Variants in PATJ observed in about 807,000 individuals in gnomAD.
PATJ encodes inaD-like protein.
In PATJ, 190 loss-of-function variants were observed where a neutral mutation model predicts 224.9. The ratio of observed to expected loss-of-function variants is 0.84; its 90% confidence interval spans 0.75 to 0.95. The LOEUF is 0.95. Ranked by LOEUF, PATJ falls within the 40% of genes least tolerant of loss-of-function variation. The pLI is 0.00. For missense variants in PATJ, 2,121 were observed against 2,270.3 expected (o/e 0.93, Z 1.34); for synonymous variants, 769 against 820.3 (o/e 0.94, Z 1.07).
rs538395673 is a variant in PATJ, at chr1:61,968,821, A to C, written c.3671-21347A>C. 3.3e-5 allele frequency among the ~76,000 whole-genome samples: 5 copies of C among 152,272 alleles called. No homozygotes were observed. The South Asian group carries it at 1.0e-3, about 32-fold the overall frequency. On this transcript the variant is annotated intron_variant, in intron 27 of 43. Coordinates refer to ENST00000642238, the MANE Select transcript of PATJ (RefSeq NM_001350145.3). The stretch of plus-strand genomic sequence containing the variant: ...GAGAACATGCAATGCCCAAACTGAA[A>C]TTCTATACCTATTAAAAAATAACTT...
At position 61,855,597 on chromosome 1, in the gene PATJ, C is replaced by T. The variant is rs190925448; in HGVS notation, c.2113-433C>T. 3.2e-3 allele frequency among the ~76,000 whole-genome samples: 489 copies of T among 152,098 alleles called. 3 individuals carry two copies. Among genetic ancestry groups the T allele is most frequent in the African/African-American group, 0.011 (470 of 41,520 alleles). ...ACCTGGCTAATTTTTGTATATTTTG[C>T]GGAGATGGGATTTCGTCATGTTGTC... On this transcript the variant is annotated intron_variant, in intron 17 of 43. Transcript: ENST00000642238.
chr1:62,116,271 T>C (rs570424432), intron 35 of PATJ, among the ~76,000 whole-genome samples: 2 of 152,302 alleles, frequency 1.3e-5, no homozygotes, highest in Non-Finnish European at 1.5e-5. Context: ...AGTTAAAGAA[T>C]GGAAATAACC....
At chr1:61,924,472 A>G (rs1041477647) in intron 26 of PATJ, among the ~76,000 whole-genome samples, 2 of 152,192 alleles carry the variant, frequency 1.3e-5, no homozygotes, top group Admixed American at 6.5e-5. Flanking sequence ...TTTCTTCAAG[A>G]GATTATGAAC....
chr1:61,807,223 G>C (rs1240608735), intron 13 of PATJ, among the ~76,000 whole-genome samples: 1 of 152,144 alleles, frequency 6.6e-6, no homozygotes, highest in East Asian at 1.9e-4. Flanking sequence ...TGTTGCCCAG[G>C]CTGGAATGCA....
At chr1:62,004,561 A>G (rs72677919) in intron 28 of PATJ, among the ~76,000 whole-genome samples, 22,192 of 152,042 alleles carry the variant, frequency 0.15, 1,985 homozygotes, top group Non-Finnish European at 0.21. Flanking sequence ...TATTTTGGCT[A>G]TAAGTTCTGA....
intron 31 of PATJ, among the ~76,000 whole-genome samples, chr1:62,059,486 A>G (rs566260640): frequency 6.6e-6 from 1 of 151,914 alleles, no homozygotes; most frequent in Non-Finnish European, 1.5e-5. Flanking sequence ...GCATGGTGGC[A>G]CACATCTGTA....
At chr1:61,849,152 A>G (rs1012895271) in intron 17 of PATJ, among the ~76,000 whole-genome samples, 2 of 152,202 alleles carry the variant, frequency 1.3e-5, no homozygotes, top group African/African-American at 2.4e-5. Flanking sequence ...AGTACTTTCT[A>G]TTTCAGAGTT....
At chr1:61,795,632 GA>G (rs957339862) in intron 10 of PATJ, 74 bp downstream of exon 10, 22 of 850,876 alleles carry the variant, frequency 2.6e-5, no homozygotes, top group African/African-American at 2.0e-4. Flanking sequence ...ATACATGTGA[GA>G]GGGGGAATAG....
At chr1:62,137,367 A>T (rs1213000243) in intron 41 of PATJ, among the ~76,000 whole-genome samples, 1 of 132,166 alleles carries the variant, frequency 7.6e-6, no homozygotes, top group Non-Finnish European at 1.6e-5. Context: ...GGAAACATGG[A>T]ATAAGTGAGT....
chr1:61,863,281 C>G (rs1187120841), intron 19 of PATJ, among the ~76,000 whole-genome samples: 1 of 152,060 alleles, frequency 6.6e-6, no homozygotes, highest in Non-Finnish European at 1.5e-5. Flanking sequence ...AGAGATCCTC[C>G]TGCCTTGGCC....
intron 1 of PATJ, among the ~76,000 whole-genome samples, chr1:61,752,248 T>C (rs777178655): frequency 4.0e-5 from 6 of 151,884 alleles, no homozygotes; most frequent in Non-Finnish European, 7.4e-5. Context: ...TTGAATAGTT[T>C]AATGAGAAAA....
intron 27 of PATJ, among the ~76,000 whole-genome samples, chr1:61,979,303 G>A (rs1391051477): frequency 2.0e-5 from 3 of 152,040 alleles, no homozygotes; most frequent in Non-Finnish European, 2.9e-5. Flanking sequence ...AAGTGGAGGG[G>A]AAGAGAAATA....
chr1:61,860,160 T>C (rs1008112335), intron 18 of PATJ, among the ~76,000 whole-genome samples: 1 of 152,150 alleles, frequency 6.6e-6, no homozygotes, highest in Non-Finnish European at 1.5e-5. Context: ...AAAACCTAGG[T>C]GACAGGTTGA....
rs4915787 is a variant in PATJ at position 61,864,462 on chromosome 1, G to A, written c.2664G>A (p.Leu888=). The A allele has an allele frequency of 9.8e-3, 15,892 of 1,613,954 alleles. 105 individuals are homozygous for A. Among genetic ancestry groups the A allele is most frequent in the Non-Finnish European group, 0.011 (13,513 of 1,179,808 alleles). ...AAGATCCCTCACCATCCATGGAGTT[G>A]TATCCCTTGTCGCACATTCAAGAGG... ...LYQDPSPSME[L]YPLSHIQEAT... is the part of the protein sequence containing the mutation. Residue 888 remains leucine (L), a synonymous_variant, in exon 20 of 44, where the codon TTG becomes TTA. Coordinates refer to ENST00000642238, the MANE Select transcript of PATJ (RefSeq NM_001350145.3).
chr1:62,144,035 C>T (rs1667768436), intron 41 of PATJ, among the ~76,000 whole-genome samples: 1 of 152,146 alleles, frequency 6.6e-6, no homozygotes, highest in Admixed American at 6.6e-5. Context: ...ACAAGTTAAC[C>T]TTCCAGTACA....
chr1:61,947,711 C>A (rs1557923682), intron 27 of PATJ, among the ~76,000 whole-genome samples: 1 of 152,154 alleles, frequency 6.6e-6, no homozygotes, highest in Non-Finnish European at 1.5e-5. Context: ...TTGGAAAAAA[C>A]TACTTTAAAG....
chr1:61,824,307 C>T (rs1439219472), intron 15 of PATJ, among the ~76,000 whole-genome samples: 2 of 151,354 alleles, frequency 1.3e-5, no homozygotes, highest in Non-Finnish European at 2.9e-5. Context: ...TCAAACAATC[C>T]ACCCACCTCA....
intron 31 of PATJ, among the ~76,000 whole-genome samples, chr1:62,053,527 C>A (rs932958365): frequency 6.6e-6 from 1 of 152,196 alleles, no homozygotes; most frequent in African/African-American, 2.4e-5. Context: ...CAAGACCAGC[C>A]TGACCAACAT....
intron 34 of PATJ, among the ~76,000 whole-genome samples, chr1:62,110,213 T>TAAA (rs1370643130): frequency 6.6e-6 from 1 of 152,196 alleles, no homozygotes; most frequent in Non-Finnish European, 1.5e-5. Context: ...AGCTAAGAAA[T>TAAA]ACAGCTCTCA....
Sources: gnomAD v4.1 joint callset for allele counts (sites outside exome capture counted in the v4.1 genomes callset) on GRCh38, gnomAD v4.1.1 for gene constraint, MANE v1.5 for transcripts, NCBI Gene and HGNC (gene_info 2026-07-23, HGNC 2026-07-21) for gene names.